PTER: variants seen among roughly 807,000 people sequenced by gnomAD.
The protein encoded by PTER is N-acetyltaurine hydrolase.
PTER carries 38 observed loss-of-function variants against 29.6 expected under a neutral mutation model. The observed-to-expected ratio is 1.28, with a 90% CI of 0.99 to 1.68. The LOEUF is 1.68. Among genes scored for constraint, PTER ranks in the 40% most tolerant of loss-of-function variants. The pLI is 0.00. For missense variants in PTER, 482 were observed against 427.8 expected (o/e 1.13, Z -1.12); for synonymous variants, 172 against 154.5 (o/e 1.11, Z -0.84).
At chr10:16,453,411 G>A (rs1834284649) in intron 1 of PTER, among the ~76,000 whole-genome samples, 1 of 152,074 alleles carries the variant, frequency 6.6e-6, no homozygotes, top group Non-Finnish European at 1.5e-5. Flanking sequence ...TGGATTATAT[G>A]AACTTTTATT....
chr10:16,456,862 T>TTGG (rs147690650), intron 1 of PTER, among the ~76,000 whole-genome samples: 6 of 113,662 alleles, frequency 5.3e-5, no homozygotes, highest in South Asian at 3.2e-4. Flanking sequence ...ATGGGGAAGG[T>TTGG]GGGGGGGGGT....
At chr10:16,515,018 G>A (rs1019244992), downstream of PTER, among the ~76,000 whole-genome samples, 10 of 151,892 alleles carry the variant, frequency 6.6e-5, no homozygotes, top group Non-Finnish European at 8.8e-5. Flanking sequence ...TAACTCCTTC[G>A]ATCCCTATGC....
At chr10:16,503,704 C>A (rs1437354353) in intron 3 of PTER, among the ~76,000 whole-genome samples, 4 of 151,974 alleles carry the variant, frequency 2.6e-5, no homozygotes, top group African/African-American at 9.7e-5. Flanking sequence ...CCACACCCAG[C>A]CATTTTTGTA....
At position 16,486,552 on chromosome 10, in the gene PTER, G is replaced by T; in HGVS notation, c.633G>T (p.Gln211His). Residue 211 changes from glutamine (Q) to histidine (H), a missense_variant, in exon 3 of 5, where the codon CAG becomes CAT. Physicochemically the swap from Gln to His is conservative, Grantham distance 24. Transcript: ENST00000535784. Reference protein sequence around the residue: ...HPGRSSRAPFQIIRILQEAGA... With the variant: ...HPGRSSRAPFHIIRILQEAGA... ...GACGGAGCTCCAGGGCACCATTTCAGATTATCCGAATATTGCAAGAAGCAG... is the reference window on the plus strand; with the variant it reads ...GACGGAGCTCCAGGGCACCATTTCATATTATCCGAATATTGCAAGAAGCAG... 1 of 1,613,940 alleles carries T rather than the reference G, an allele frequency of 6.2e-7. No individual in the cohort carries two copies. Among genetic ancestry groups the T allele is most frequent in the Non-Finnish European group, 8.5e-7 (1 of 1,179,940 alleles).
At chr10:16,486,243 T>C in intron 2 of PTER, 109 bp from the exon 3 acceptor site, 1 of 1,263,094 alleles carries the variant, frequency 7.9e-7, no homozygotes, top group Non-Finnish European at 1.1e-6. Context: ...CTGAATACAT[T>C]TTTAAAAGAA....
chr10:16,472,059 C>G (rs1335549399), intron 1 of PTER, among the ~76,000 whole-genome samples: 1 of 152,184 alleles, frequency 6.6e-6, no homozygotes, highest in Non-Finnish European at 1.5e-5. Flanking sequence ...TTTGTTGTAA[C>G]TGTCTCTCAA....
chr10:16,484,787 T>C lies in PTER; in HGVS notation c.403T>C (p.Ser135Pro), dbSNP rs952563703. ...GTTTTATGTGGATGCAACTCACTCC[T>C]CAGAGACCAGGGCCATGTCAGTGGA... ...AGFYVDATHS[S>P]ETRAMSVEQL... Residue 135 changes from serine to proline, a missense_variant, in exon 2 of 5, where the codon TCA (serine) becomes CCA (proline). Transcript: ENST00000535784. 2 of 1,611,328 alleles carry C rather than the reference T, an allele frequency of 1.2e-6. No individual in the cohort carries two copies. The highest frequency in any genetic ancestry group is 2.7e-5 in the African/African-American group (2 of 74,714).
chr10:16,488,165 G>A (rs970411729), intron 3 of PTER, among the ~76,000 whole-genome samples: 1 of 152,146 alleles, frequency 6.6e-6, no homozygotes, highest in Non-Finnish European at 1.5e-5. Flanking sequence ...CTATCTTGAG[G>A]AATCTTCTGG....
chr10:16,480,193 ATT>A (rs60746148), intron 1 of PTER, among the ~76,000 whole-genome samples: 4 of 136,990 alleles, frequency 2.9e-5, no homozygotes, highest in Non-Finnish European at 1.6e-5. Context: ...TGACTATAGC[ATT>A]TTTTTTTTTT....
chr10:16,506,650 A>G (rs1175218576), intron 4 of PTER, among the ~76,000 whole-genome samples: 1 of 152,140 alleles, frequency 6.6e-6, no homozygotes, highest in Non-Finnish European at 1.5e-5. Context: ...ATGAGAGGGC[A>G]TGACACAGCG....
At position 16,454,966 on chromosome 10, in the gene PTER, T is replaced by C. The variant is rs552655697; in HGVS notation, c.-49+17919T>C. Among the ~76,000 whole-genome samples, 7 of 152,322 alleles carry C rather than the reference T, an allele frequency of 4.6e-5. No individual in the cohort carries two copies. The South Asian group carries it at 1.2e-3, about 27-fold the overall frequency. The stretch of plus-strand genomic sequence containing the variant: ...TAAACTGGCCAGGTGCAGTGGCTCA[T>C]GCCTGTGATCCCAGCACTTTGAGGA... On this transcript the variant is annotated intron_variant, in intron 1 of 4. Transcript: ENST00000535784.
chr10:16,508,792 C>T (rs948540004), intron 4 of PTER, among the ~76,000 whole-genome samples: 10 of 152,174 alleles, frequency 6.6e-5, no homozygotes, highest in African/African-American at 9.7e-5. Flanking sequence ...CCAAGGACAG[C>T]CCATGTTAAG....
intron 1 of PTER, among the ~76,000 whole-genome samples, chr10:16,440,851 A>C (rs1272974817): frequency 1.3e-5 from 2 of 152,218 alleles, no homozygotes; most frequent in Admixed American, 1.3e-4. Context: ...TTTGAGTGTT[A>C]CTGTGGCCTA....
intron 1 of PTER, among the ~76,000 whole-genome samples, chr10:16,467,575 G>A (rs1047335059): frequency 9.2e-5 from 14 of 152,196 alleles, no homozygotes; most frequent in African/African-American, 2.9e-4. Flanking sequence ...ACTTTGGGAG[G>A]TTGAGGTGGG....
chr10:16,469,280 A>C (rs1201798766), intron 1 of PTER, among the ~76,000 whole-genome samples: 1 of 152,178 alleles, frequency 6.6e-6, no homozygotes, highest in East Asian at 1.9e-4. Flanking sequence ...AGGGCAGGTG[A>C]GTGCAGAGTG....
intron 1 of PTER, among the ~76,000 whole-genome samples, chr10:16,456,521 A>G (rs1441454735): frequency 1.3e-5 from 2 of 152,192 alleles, no homozygotes; most frequent in Non-Finnish European, 2.9e-5. Flanking sequence ...AAGCTGGGCA[A>G]TGCTGTTCTG....
chr10:16,498,729 C>T (rs1836214057), intron 3 of PTER, among the ~76,000 whole-genome samples: 2 of 152,172 alleles, frequency 1.3e-5, no homozygotes, highest in African/African-American at 4.8e-5. Flanking sequence ...TCTGTTTAAT[C>T]CTCATCTGCT....
At chr10:16,486,677 T>A in intron 3 of PTER, 60 bp downstream of exon 3, 1 of 1,520,940 alleles carries the variant, frequency 6.6e-7, no homozygotes, top group Non-Finnish European at 8.9e-7. Flanking sequence ...ATGATCAAAT[T>A]AAGAATCTAC....
In PTER at chr10:16,450,700, T is replaced by TC. The variant is rs201090205; in HGVS notation, c.-49+13653_-49+13654insC. Among the ~76,000 whole-genome samples the TC allele has an allele frequency of 7.7e-3, 1,170 of 152,316 alleles. 20 individuals are homozygous for TC. The highest frequency in any genetic ancestry group is 0.075 in the East Asian group (388 of 5,176). ...CAGGGCAATCTTAGAAGAGGCTCAGTATGTGCTTCTGGAGCTGGACGTTAG... is the reference window on the plus strand; with the variant it reads ...CAGGGCAATCTTAGAAGAGGCTCAGTCATGTGCTTCTGGAGCTGGACGTTAG... On this transcript the variant is annotated intron_variant, in intron 1 of 4. Transcript: ENST00000535784.
Sources: allele counts gnomAD v4.1 joint callset (sites outside exome capture counted in the v4.1 genomes callset), GRCh38; gene constraint gnomAD v4.1.1; transcripts MANE v1.5; gene names NCBI Gene and HGNC (gene_info 2026-07-23, HGNC 2026-07-21).